CFAP206: variants seen among roughly 807,000 people sequenced by gnomAD.
The protein encoded by CFAP206 is cilia and flagella associated protein 206.
In CFAP206, 53 loss-of-function variants were observed where a neutral mutation model predicts 65.4. The observed-to-expected ratio is 0.81, with a 90% confidence interval of 0.65 to 1.02. The LOEUF is 1.02. Ranked by LOEUF, CFAP206 falls within the 50% of genes least tolerant of loss-of-function variation. The pLI, the probability that CFAP206 is intolerant of heterozygous loss-of-function variation, is 0.00. For synonymous variants in CFAP206, 250 were observed against 254.4 expected (o/e 0.98, Z 0.17); for missense variants, 663 against 753.2 (o/e 0.88, Z 1.40).
At chr6:87,423,876 T>C (rs957648563) in intron 7 of CFAP206, among the ~76,000 whole-genome samples, 2 of 152,222 alleles carry the variant, frequency 1.3e-5, no homozygotes, top group African/African-American at 4.8e-5. Flanking sequence ...AATAAAAATT[T>C]GTTAGTTGTA....
At position 87,415,672 on chromosome 6, in the gene CFAP206, T is replaced by A. The variant is rs764394928; in HGVS notation, c.284-14T>A. The stretch of plus-strand genomic sequence containing the variant: ...AAATTAAATATATAGAACATTGTTA[T>A]TTGGCAATTTTAGTGGAATTTCTCG... On this transcript the variant is annotated splice_polypyrimidine_tract_variant and intron_variant, in intron 4 of 12. Transcript: ENST00000369562. The A allele has an allele frequency of 6.3e-7, 1 of 1,598,612 alleles. No homozygotes were observed. The highest frequency in any genetic ancestry group is 8.5e-7 in the Non-Finnish European group (1 of 1,172,694).
At chr6:87,426,923 G>A (rs1268610229) in intron 8 of CFAP206, among the ~76,000 whole-genome samples, 1 of 152,098 alleles carries the variant, frequency 6.6e-6, no homozygotes, top group East Asian at 1.9e-4. Flanking sequence ...TTGTACTGTG[G>A]TTGAAAATGT....
At position 87,418,306 on chromosome 6, in the gene CFAP206, C is replaced by A; in HGVS notation, c.730C>A (p.Leu244Ile). 6.2e-7 allele frequency: 1 copy of A among 1,614,130 alleles called. No individual in the cohort carries two copies. Among genetic ancestry groups the A allele is most frequent in the Non-Finnish European group, 8.5e-7 (1 of 1,180,008 alleles). ...CCAGGTATACCGCTACACAGCCATCCTTGAGAAGGCAGCCAACGACCCACT... is the reference window on the plus strand; with the variant it reads ...CCAGGTATACCGCTACACAGCCATCATTGAGAAGGCAGCCAACGACCCACT... Reference protein sequence around the residue: ...RSQVYRYTAILEKAANDPLMR... With the variant: ...RSQVYRYTAIIEKAANDPLMR... The change falls in exon 7 of 13, where the codon CTT (leucine) becomes ATT (isoleucine). Residue 244 changes from leucine to isoleucine, a missense_variant. Transcript: ENST00000369562.
At chr6:87,434,771 T>A (rs1263356991) in intron 10 of CFAP206, 89 bp from the exon 11 acceptor site, 1 of 750,870 alleles carries the variant, frequency 1.3e-6, no homozygotes, top group East Asian at 3.0e-5. Flanking sequence ...GTGCTGGAAT[T>A]ACAGGCGTGA....
intron 6 of CFAP206, 54 bp from the exon 7 acceptor site, chr6:87,418,154 C>T (rs1020275805): frequency 2.6e-6 from 4 of 1,511,220 alleles, no homozygotes; most frequent in South Asian, 2.3e-5. Context: ...GGCTTCTTCT[C>T]CTTAATTGTT....
At chr6:87,409,061 G>A (rs1466251336) in intron 1 of CFAP206, among the ~76,000 whole-genome samples, 3 of 152,008 alleles carry the variant, frequency 2.0e-5, no homozygotes. Flanking sequence ...TTAGATGTGC[G>A]GAAAAGATCA....
At chr6:87,428,091 G>A (rs1437873071) in intron 8 of CFAP206, among the ~76,000 whole-genome samples, 2 of 149,504 alleles carry the variant, frequency 1.3e-5, no homozygotes. Context: ...GGGTTCAAGC[G>A]ATTCTCCTGC....
In CFAP206 at chr6:87,416,710, T is replaced by C. The variant is rs760849444; in HGVS notation, c.514T>C (p.Phe172Leu). 10 of 1,613,650 alleles carry C rather than the reference T, an allele frequency of 6.2e-6. No homozygotes were observed. The Admixed American group carries it at 1.7e-4, about 27-fold the overall frequency. Residue 172 changes from phenylalanine (F) to leucine (L), a missense_variant, in exon 6 of 13, where the codon TTT becomes CTT. Coordinates refer to ENST00000369562, the MANE Select transcript of CFAP206 (RefSeq NM_001031743.3). ...TTTTCCTCAGGCAGAGCTTGGGACA[T>C]TTCTAACTCTTTCTAAGAAGGACAA... ...SVFPQAELGT[F>L]LTLSKKDKER...
intron 5 of CFAP206, 59 bp downstream of exon 5, chr6:87,415,933 T>A: frequency 8.3e-7 from 1 of 1,204,610 alleles, no homozygotes. Context: ...TTGTATTTTA[T>A]AAAACATGTT....
chr6:87,461,852 G>A (rs565285577), intron 12 of CFAP206, among the ~76,000 whole-genome samples: 18 of 152,264 alleles, frequency 1.2e-4, no homozygotes, highest in Middle Eastern at 6.8e-3. Flanking sequence ...TGTAGCAAGG[G>A]AGTCAGACAC....
intron 7 of CFAP206, among the ~76,000 whole-genome samples, chr6:87,425,019 A>G (rs1582137688): frequency 6.6e-6 from 1 of 152,212 alleles, no homozygotes; most frequent in East Asian, 1.9e-4. Flanking sequence ...CCAAATGCTT[A>G]TCCTGTCATC....
At position 87,415,797 on chromosome 6, in the gene CFAP206, G is replaced by A. The variant is rs371084143; in HGVS notation, c.395G>A (p.Arg132Gln). Residue 132 changes from arginine (R) to glutamine (Q), a missense_variant, in exon 5 of 13, where the codon CGG becomes CAG. Arg to Gln is a conservative substitution (Grantham distance 43, BLOSUM62 1). Coordinates refer to ENST00000369562, the MANE Select transcript of CFAP206 (RefSeq NM_001031743.3). ...AAAGAAGAATTGGAAAGCCTCTACCGGAAGATTATCAGCTATGTGTTACTC... is the reference window on the plus strand; with the variant it reads ...AAAGAAGAATTGGAAAGCCTCTACCAGAAGATTATCAGCTATGTGTTACTC... ...CAKEELESLY[R>Q]KIISYVLLRS... 8.7e-6 allele frequency: 14 copies of A among 1,613,242 alleles called. No homozygotes were observed. Among genetic ancestry groups the A allele is most frequent in the African/African-American group, 2.7e-5 (2 of 74,868 alleles).
rs1299802032 is a variant in CFAP206, at chr6:87,464,211, G to C, written c.1830G>C (p.Glu610Asp). 2 of 1,614,000 alleles carry C rather than the reference G, an allele frequency of 1.2e-6. No homozygotes were observed. The part of the protein sequence containing the change: ...LRGGKSEITD[E>D]VKVNLTRDVD... ...GAGGAAAGAGCGAAATCACCGATGA[G>C]GTCAAGGTGAACTTAACTAGAGATG... The change falls in exon 13 of 13, where the codon GAG becomes GAC. Residue 610 changes from glutamate (E) to aspartate (D), a missense_variant. Transcript: ENST00000369562.
chr6:87,426,420 T>C (rs901498433), intron 7 of CFAP206, 106 bp from the exon 8 acceptor site: 21 of 766,752 alleles, frequency 2.7e-5, no homozygotes, highest in East Asian at 1.6e-4. Context: ...CCTGCTGTCA[T>C]TGAGCCTACT....
intron 11 of CFAP206, among the ~76,000 whole-genome samples, chr6:87,449,160 G>A (rs951449752): frequency 2.0e-5 from 3 of 152,084 alleles, no homozygotes; most frequent in African/African-American, 7.2e-5. Context: ...TCCTGGGCCA[G>A]GCGCGGTGGC....
At position 87,416,732 on chromosome 6, in the gene CFAP206, A is replaced by G. The variant is rs185111004; in HGVS notation, c.536A>G (p.Asp179Gly). The change falls in exon 6 of 13, where the codon GAC becomes GGC. Residue 179 changes from aspartate to glycine, a missense_variant. Asp to Gly is a moderately conservative substitution (Grantham distance 94, BLOSUM62 -1). Coordinates refer to ENST00000369562, the MANE Select transcript of CFAP206 (RefSeq NM_001031743.3). ...LGTFLTLSKKDKERQLKELTM... is the reference protein window; with the variant it reads ...LGTFLTLSKKGKERQLKELTM... ...ACATTTCTAACTCTTTCTAAGAAGG[A>G]CAAAGAACGCCAGCTGAAAGAACTC... 78 of 1,613,718 alleles carry G rather than the reference A, an allele frequency of 4.8e-5. No homozygotes were observed. In the East Asian group the frequency reaches 1.7e-3, roughly 36 times the overall value.
intron 11 of CFAP206, among the ~76,000 whole-genome samples, chr6:87,446,425 A>C (rs1222984705): frequency 6.6e-6 from 1 of 152,216 alleles, no homozygotes; most frequent in East Asian, 1.9e-4. Flanking sequence ...AATTTTCTGC[A>C]TATGGCTAGC....
intron 12 of CFAP206, among the ~76,000 whole-genome samples, chr6:87,463,708 TC>T (rs1365128452): frequency 1.3e-5 from 2 of 152,168 alleles, no homozygotes; most frequent in African/African-American, 4.8e-5. Context: ...TATATGAATC[TC>T]AAAGTATAAT....
intron 11 of CFAP206, among the ~76,000 whole-genome samples, chr6:87,452,368 C>A (rs948745218): frequency 6.6e-6 from 1 of 152,208 alleles, no homozygotes; most frequent in Non-Finnish European, 1.5e-5. Context: ...CAGGTACAAA[C>A]AAACCCAGAT....
Sources: gnomAD v4.1 joint callset for allele counts (sites outside exome capture counted in the v4.1 genomes callset) on GRCh38, gnomAD v4.1.1 for gene constraint, MANE v1.5 for transcripts, NCBI Gene and HGNC (gene_info 2026-07-23, HGNC 2026-07-21) for gene names.